The following STK24 variants were observed in gnomAD, a reference collection of about 807,000 sequenced individuals.
The protein encoded by STK24 is serine/threonine-protein kinase 24.
STK24 carries 21 observed loss-of-function variants against 55.6 expected under a neutral mutation model. The ratio of observed to expected loss-of-function variants is 0.38; its 90% confidence interval spans 0.27 to 0.54. The LOEUF is 0.54. Ranked by LOEUF, STK24 falls within the 20% of genes least tolerant of loss-of-function variation. The probability of loss-of-function intolerance (pLI) is 0.79; values close to 1 mark genes in which losing one functional copy is unlikely to be tolerated. For missense variants in STK24, 383 were observed against 538.4 expected (o/e 0.71, Z 2.86); for synonymous variants, 200 against 215.2 (o/e 0.93, Z 0.62).
intron 2 of STK24, among the ~76,000 whole-genome samples, chr13:98,487,334 C>T (rs117193346): frequency 0.046 from 7,011 of 152,282 alleles, 220 homozygotes; most frequent in South Asian, 0.11. Context: ...CATGTTTTTT[C>T]AACAACCTCA....
chr13:98,550,763 CTT>C (rs1338485694), intron 1 of STK24, among the ~76,000 whole-genome samples: 11 of 152,264 alleles, frequency 7.2e-5, no homozygotes, highest in South Asian at 6.2e-4. Flanking sequence ...CATAAACTCT[CTT>C]GTTTAGTTCC....
chr13:98,497,455 C>T (rs1895289679), intron 2 of STK24, among the ~76,000 whole-genome samples: 1 of 152,232 alleles, frequency 6.6e-6, no homozygotes, highest in Non-Finnish European at 1.5e-5. Context: ...CCTTGTTTTG[C>T]CTTCCATGTC....
intron 1 of STK24, among the ~76,000 whole-genome samples, chr13:98,574,963 T>C (rs924955931): frequency 1.2e-4 from 19 of 152,168 alleles, no homozygotes; most frequent in African/African-American, 4.6e-4. Context: ...TTCAAACTGA[T>C]TCGCTATCCA....
At chr13:98,534,828 TA>T (rs773254092) in intron 1 of STK24, among the ~76,000 whole-genome samples, 1 of 152,230 alleles carries the variant, frequency 6.6e-6, no homozygotes, top group Non-Finnish European at 1.5e-5. Context: ...AAATTATCCT[TA>T]AAAATCCCAA....
intron 2 of STK24, among the ~76,000 whole-genome samples, chr13:98,514,730 C>T (rs1895996592): frequency 6.6e-6 from 1 of 152,216 alleles, no homozygotes; most frequent in South Asian, 2.1e-4. Context: ...GTTAAACTGG[C>T]TTGATGTTTG....
chr13:98,448,164 A>C lies in STK24; in HGVS notation c.*5009T>G. ...GCCTGACTTCACCTTGTGTTTCTGT[A>C]AGCGATGCCCACCAAAGTGTCAGGA... On this transcript the variant is annotated 3_prime_UTR_variant, in exon 11 of 11. Transcript: ENST00000539966. The C allele has an allele frequency of 7.7e-7, 1 of 1,302,600 alleles. No homozygotes were observed. Among genetic ancestry groups the C allele is most frequent in the East Asian group, 2.3e-5 (1 of 43,384 alleles). 80.7% of individuals were successfully genotyped at this position (1,302,600 alleles called of 1,614,324 possible). A position where few individuals can be genotyped will look rare whatever the true frequency, so the allele number is the denominator to read the frequency against.
chr13:98,485,378 A>G (rs1894765962), intron 2 of STK24, among the ~76,000 whole-genome samples: 2 of 152,198 alleles, frequency 1.3e-5, no homozygotes, highest in Non-Finnish European at 2.9e-5. Context: ...GTGCTCAGTC[A>G]GTTCCTGGGT....
At chr13:98,474,355 T>C (rs1894281556) in intron 5 of STK24, among the ~76,000 whole-genome samples, 1 of 152,174 alleles carries the variant, frequency 6.6e-6, no homozygotes, top group African/African-American at 2.4e-5. Context: ...TCTTCCTCCA[T>C]TCTCACGCTT....
chr13:98,448,741 T>A lies in STK24; in HGVS notation c.*4432A>T, dbSNP rs1228001621. On this transcript the variant is annotated 3_prime_UTR_variant, in exon 11 of 11. Transcript: ENST00000539966. The stretch of plus-strand genomic sequence containing the variant: ...TTTTACGAAGTGGACTTCCCGGTGT[T>A]TGTTTGTTTGTTTGCAATACACTCA... 1 of 31,502 alleles carries A rather than the reference T, an allele frequency of 3.2e-5. No homozygotes were observed. The highest frequency in any genetic ancestry group is 1.3e-3 in the East Asian group (1 of 768). The allele number at this position is 31,502 out of a possible 1,614,324, so 2.0% of individuals were successfully genotyped here.
rs1358562436 is a variant in STK24 at position 98,453,100 on chromosome 13, C to T, written c.*73G>A. 22 of 1,576,900 alleles carry T rather than the reference C, an allele frequency of 1.4e-5. No homozygotes were observed. The highest frequency in any genetic ancestry group is 6.8e-5 in the African/African-American group (5 of 73,830). On this transcript the variant is annotated 3_prime_UTR_variant, in exon 11 of 11. Coordinates refer to ENST00000539966, the MANE Select transcript of STK24 (RefSeq NM_001032296.4). ...CTTCGGTGGAGTCAGCGAAGGCTCTCGTTGACTTTTAAAAAAGGAGGAGGA... is the reference window on the plus strand; with the variant it reads ...CTTCGGTGGAGTCAGCGAAGGCTCTTGTTGACTTTTAAAAAAGGAGGAGGA...
intron 1 of STK24, among the ~76,000 whole-genome samples, chr13:98,548,263 G>C (rs1356130330): frequency 6.6e-6 from 1 of 152,034 alleles, no homozygotes; most frequent in South Asian, 2.1e-4. Flanking sequence ...TATTTTCCTG[G>C]GGCAAAAACA....
chr13:98,527,814 G>A (rs1056279643), intron 1 of STK24, among the ~76,000 whole-genome samples: 2 of 152,190 alleles, frequency 1.3e-5, no homozygotes, highest in African/African-American at 2.4e-5. Flanking sequence ...GGGGTTCAGA[G>A]GCACACCGTC....
At chr13:98,536,739 G>C (rs1030961622) in intron 1 of STK24, among the ~76,000 whole-genome samples, 7 of 152,026 alleles carry the variant, frequency 4.6e-5, no homozygotes, top group African/African-American at 1.5e-4. Context: ...AGTGCTCTGG[G>C]GTCCCGGGAG....
intron 1 of STK24, among the ~76,000 whole-genome samples, chr13:98,566,523 A>G (rs1477492966): frequency 6.6e-6 from 1 of 152,226 alleles, no homozygotes; most frequent in South Asian, 2.1e-4. Flanking sequence ...CATCTGTAAA[A>G]TTAGTCTGAC....
rs1893123787 is a variant in STK24 at position 98,450,280 on chromosome 13, T to G, written c.*2893A>C. On this transcript the variant is annotated 3_prime_UTR_variant, in exon 11 of 11. Transcript: ENST00000539966. ...ACATGCCCTATTAGGTCACTCTGCCTTTGCTGACACATTTTATAGCAGAAA... is the reference window on the plus strand; with the variant it reads ...ACATGCCCTATTAGGTCACTCTGCCGTTGCTGACACATTTTATAGCAGAAA... 6.6e-6 allele frequency: 1 copy of G among 152,174 alleles called. No individual in the cohort carries two copies. The highest frequency in any genetic ancestry group is 2.1e-4 in the South Asian group (1 of 4,834). The allele number at this position is 152,174 out of a possible 1,614,324, so 9.4% of individuals were successfully genotyped here. A position where few individuals can be genotyped will look rare whatever the true frequency, so the allele number is the denominator to read the frequency against.
At chr13:98,494,176 C>G (rs1335011720) in intron 2 of STK24, among the ~76,000 whole-genome samples, 2 of 144,558 alleles carry the variant, frequency 1.4e-5, no homozygotes, top group African/African-American at 5.0e-5. Flanking sequence ...CTTTGGGAGG[C>G]CGAGGCGGGT....
intron 1 of STK24, among the ~76,000 whole-genome samples, chr13:98,532,025 G>A (rs1896592947): frequency 2.0e-5 from 3 of 152,106 alleles, no homozygotes; most frequent in Admixed American, 2.0e-4. Flanking sequence ...CTTCAGCCTG[G>A]ACCGATTAAA....
rs1290659945 is a variant in STK24, at chr13:98,451,209, A to C, written c.*1964T>G. The C allele has an allele frequency of 6.6e-6, 1 of 152,232 alleles. No individual in the cohort carries two copies. Among genetic ancestry groups the C allele is most frequent in the Admixed American group, 6.5e-5 (1 of 15,284 alleles). 9.4% of individuals were successfully genotyped at this position (152,232 alleles called of 1,614,324 possible). ...GCTGTCCGCCCTGGCTCACTTAAAA[A>C]TCAGGTAACGGCACACCCTGGGGAA... On this transcript the variant is annotated 3_prime_UTR_variant, in exon 11 of 11. Transcript: ENST00000539966.
At chr13:98,502,016 C>T (rs1895483109) in intron 2 of STK24, among the ~76,000 whole-genome samples, 1 of 152,166 alleles carries the variant, frequency 6.6e-6, no homozygotes, top group African/African-American at 2.4e-5. Context: ...CTCTCCAACC[C>T]TAAGCCAGCA....
Sources: allele counts gnomAD v4.1 joint callset (sites outside exome capture counted in the v4.1 genomes callset), GRCh38; gene constraint gnomAD v4.1.1; transcripts MANE v1.5; gene names NCBI Gene and HGNC (gene_info 2026-07-23, HGNC 2026-07-21).